The following OR6P1 variants were observed in gnomAD, a reference collection of about 807,000 sequenced individuals.
OR6P1 encodes the protein olfactory receptor 6P1.
Under a neutral mutation model 6.6 loss-of-function variants are expected in OR6P1, and 5 were observed. The observed-to-expected ratio is 0.76, with a 90% CI of 0.40 to 1.60. OR6P1 has a LOEUF of 1.60. Among genes scored for constraint, OR6P1 ranks in the 40% most tolerant of loss-of-function variants. The pLI is 0.02. For synonymous variants in OR6P1, 177 were observed against 149.6 expected (o/e 1.18, Z -1.33); for missense variants, 451 against 383.0 (o/e 1.18, Z -1.48).
At chr1:158,563,665 T>C (rs1331287948) in intron 2 of OR6P1, 39 bp from the exon 3 acceptor site, 5 of 1,073,382 alleles carry the variant, frequency 4.7e-6, no homozygotes, top group African/African-American at 3.2e-5. Context: ...GTTTGAAAGA[T>C]AGCTGCAACA....
Position 158,563,180 on chromosome 1 carries a change from G to A in OR6P1, c.425C>T (p.Thr142Ile). ...GCCCCAAGAGGCAGCAGCAAGGCGA[G>A]TGGCCAGACTGGAAGGCATGAGACT... is the stretch of plus-strand genomic sequence containing the variant. The part of the protein sequence containing the change: ...YPSLMPSSLA[T>I]RLAAASWGSG... Residue 142 changes from threonine (T) to isoleucine (I), a missense_variant, in exon 3 of 3, where the codon ACT becomes ATT. By Grantham distance (89) the Thr-to-Ile change is moderately conservative (BLOSUM62 -1). Transcript: ENST00000641540. The A allele has an allele frequency of 6.4e-7, 1 of 1,551,538 alleles. No individual in the cohort carries two copies. Among genetic ancestry groups the A allele is most frequent in the Non-Finnish European group, 8.7e-7 (1 of 1,146,962 alleles).
At chr1:158,569,017 G>A (rs1215362833) in intron 1 of OR6P1, among the ~76,000 whole-genome samples, 2 of 152,104 alleles carry the variant, frequency 1.3e-5, no homozygotes, top group Non-Finnish European at 2.9e-5. Flanking sequence ...TAAGAACTTG[G>A]AAATTTAAGA....
intron 1 of OR6P1, 63 bp downstream of exon 1, chr1:158,570,379 T>A (rs1391999156): frequency 2.0e-5 from 3 of 152,190 alleles, no homozygotes; most frequent in Non-Finnish European, 4.4e-5. Context: ...ATTCAAGCAA[T>A]TTTCAGGATT....
Position 158,561,250 on chromosome 1 carries a change from T to C in OR6P1, c.*1401A>G, listed in dbSNP as rs1472727210. The C allele has an allele frequency of 6.6e-6, 1 of 152,176 alleles. No homozygotes were observed. The highest frequency in any genetic ancestry group is 1.5e-5 in the Non-Finnish European group (1 of 68,016). The allele number at this position is 152,176 out of a possible 1,614,324, so 9.4% of individuals were successfully genotyped here. A position where few individuals can be genotyped will look rare whatever the true frequency, so the allele number is the denominator to read the frequency against. On this transcript the variant is annotated 3_prime_UTR_variant, in exon 3 of 3. Coordinates refer to ENST00000641540, the MANE Select transcript of OR6P1 (RefSeq NM_001160325.2). ...GAACTCCATGTCTCTCATAATTCTA[T>C]GAAAGGAGAGGAGAATGTAATGTAA...
intron 1 of OR6P1, among the ~76,000 whole-genome samples, chr1:158,567,457 T>G (rs1211115918): frequency 2.7e-5 from 4 of 146,262 alleles, no homozygotes; most frequent in African/African-American, 1.0e-4. Flanking sequence ...TGGAATACTA[T>G]GCAGCCATAA....
intron 1 of OR6P1, among the ~76,000 whole-genome samples, chr1:158,568,572 T>G (rs1272916150): frequency 6.6e-6 from 1 of 152,180 alleles, no homozygotes; most frequent in Non-Finnish European, 1.5e-5. Context: ...TATGGGTTGG[T>G]CTTCTCAGGA....
intron 2 of OR6P1, among the ~76,000 whole-genome samples, chr1:158,564,331 A>G (rs1648043839): frequency 6.6e-6 from 1 of 152,184 alleles, no homozygotes; most frequent in African/African-American, 2.4e-5. Context: ...TAATTCCTGG[A>G]ATCTATAAAT....
chr1:158,562,339 A>G lies in OR6P1; in HGVS notation c.*312T>C. The G allele has an allele frequency of 3.5e-6, 1 of 288,142 alleles. No homozygotes were observed. The highest frequency in any genetic ancestry group is 4.3e-5 in the South Asian group (1 of 23,432). 17.8% of individuals were successfully genotyped at this position (288,142 alleles called of 1,614,324 possible). Reference sequence around the variant, plus strand: ...GTCTATGAAATAGGAATTCCCAGGAAGTTTTGAATATTATTCACGGCAGGG... The same window carrying G: ...GTCTATGAAATAGGAATTCCCAGGAGGTTTTGAATATTATTCACGGCAGGG... On this transcript the variant is annotated 3_prime_UTR_variant, in exon 3 of 3. Coordinates refer to ENST00000641540, the MANE Select transcript of OR6P1 (RefSeq NM_001160325.2).
rs1648006179 is a variant in OR6P1 at position 158,563,249 on chromosome 1, G to A, written c.356C>T (p.Ala119Val). The change falls in exon 3 of 3, where the codon GCC becomes GTC. Residue 119 changes from alanine to valine, a missense_variant. Coordinates refer to ENST00000641540, the MANE Select transcript of OR6P1 (RefSeq NM_001160325.2). ...CTECVLLAVM[A>V]YDRYLAICGP... ...ACAGATGGCCAGGTAGCGATCATAG[G>A]CCATAACTGCCAACAGCACACATTC... 2 of 1,551,588 alleles carry A rather than the reference G, an allele frequency of 1.3e-6. No homozygotes were observed. The highest frequency in any genetic ancestry group is 8.7e-7 in the Non-Finnish European group (1 of 1,146,984).
Position 158,563,305 on chromosome 1 carries a change from T to C in OR6P1, c.300A>G (p.Gln100=), listed in dbSNP as rs73014246. 1,591 of 1,551,016 alleles carry C rather than the reference T, an allele frequency of 1.0e-3. 16 individuals carry two copies. In the African/African-American group the frequency reaches 0.019, roughly 18 times the overall value. The change falls in exon 3 of 3, where the codon CAA becomes CAG. Residue 100 remains glutamine (Q), a synonymous_variant. Coordinates refer to ENST00000641540, the MANE Select transcript of OR6P1 (RefSeq NM_001160325.2). The part of the protein sequence containing the change: ...GRVSYVGCMT[Q]LYFFIALACT... ...AGGCTAAGGCAATAAAGAAGTACAG[T>C]TGGGTCATGCAACCTACGTAGGAGA...
At chr1:158,565,284 T>C (rs1227635198) in intron 2 of OR6P1, among the ~76,000 whole-genome samples, 1 of 152,196 alleles carries the variant, frequency 6.6e-6, no homozygotes, top group Non-Finnish European at 1.5e-5. Context: ...AGATTACTTC[T>C]TTATGTATTC....
chr1:158,563,238 A>G lies in OR6P1; in HGVS notation c.367T>C (p.Tyr123His). 6.4e-7 allele frequency: 1 copy of G among 1,551,692 alleles called. No individual in the cohort carries two copies. Among genetic ancestry groups the G allele is most frequent in the Non-Finnish European group, 8.7e-7 (1 of 1,147,022 alleles). Residue 123 changes from tyrosine (Y) to histidine (H), a missense_variant, in exon 3 of 3, where the codon TAC becomes CAC. Physicochemically the swap from Tyr to His is moderately conservative, Grantham distance 83. Transcript: ENST00000641540. Reference sequence around the variant, plus strand: ...AGGAGGGGTCCACAGATGGCCAGGTAGCGATCATAGGCCATAACTGCCAAC... The same window carrying G: ...AGGAGGGGTCCACAGATGGCCAGGTGGCGATCATAGGCCATAACTGCCAAC... Reference protein sequence around the residue: ...VLLAVMAYDRYLAICGPLLYP... With the variant: ...VLLAVMAYDRHLAICGPLLYP...
At position 158,562,683 on chromosome 1, in the gene OR6P1, T is replaced by A; in HGVS notation, c.922A>T (p.Arg308Ter). 1 of 1,556,180 alleles carries A rather than the reference T, an allele frequency of 6.4e-7. No homozygotes were observed. Among genetic ancestry groups the A allele is most frequent in the Middle Eastern group, 1.7e-4 (1 of 6,002 alleles). ...KEAFRKTVMG[R>*]CHYPRDVQD is the part of the protein sequence containing the mutation. ...TGAACATCCCTAGGATAGTGACATCTGCCCATCACTGTCTTCCTGAAGGCC... is the reference window on the plus strand; with the variant it reads ...TGAACATCCCTAGGATAGTGACATCAGCCCATCACTGTCTTCCTGAAGGCC... The change falls in exon 3 of 3, where the codon AGA (arginine) becomes TGA (stop). Residue 308 changes from arginine to a stop codon, truncating the protein, a stop_gained. Transcript: ENST00000641540. LOFTEE classifies it high-confidence loss of function.
At chr1:158,569,646 G>T (rs1044337013) in intron 1 of OR6P1, among the ~76,000 whole-genome samples, 2 of 152,212 alleles carry the variant, frequency 1.3e-5, no homozygotes, top group African/African-American at 4.8e-5. Context: ...ATTACTCTGT[G>T]CAGGGTAGTG....
intron 1 of OR6P1, among the ~76,000 whole-genome samples, chr1:158,568,349 A>C (rs1648151101): frequency 6.6e-6 from 1 of 152,100 alleles, no homozygotes; most frequent in Admixed American, 6.5e-5. Context: ...CTCCATCATC[A>C]GTCTGGGAGC....
Position 158,563,496 on chromosome 1 carries a change from G to A in OR6P1, c.109C>T (p.Leu37=). 1 of 1,551,388 alleles carries A rather than the reference G, an allele frequency of 6.4e-7. No individual in the cohort carries two copies. The part of the protein sequence containing the change: ...LFVLFFAIYL[L]TLLENALIVF... ...ATAAGTGCATTCTCCAACAATGTCA[G>A]AAGGTAAATTGCAAAAAAAAGGACA... The change falls in exon 3 of 3, where the codon CTG becomes TTG. Residue 37 remains leucine (L), a synonymous_variant. Coordinates refer to ENST00000641540, the MANE Select transcript of OR6P1 (RefSeq NM_001160325.2).
rs998833743 is a variant in OR6P1 at position 158,566,869 on chromosome 1, G to C, written c.-117-11C>G. 2 of 152,016 alleles carry C rather than the reference G, an allele frequency of 1.3e-5. No homozygotes were observed. Among genetic ancestry groups the C allele is most frequent in the African/African-American group, 4.8e-5 (2 of 41,394 alleles). The allele number at this position is 152,016 out of a possible 1,614,324, so 9.4% of individuals were successfully genotyped here. A position where few individuals can be genotyped will look rare whatever the true frequency, so the allele number is the denominator to read the frequency against. On this transcript the variant is annotated splice_polypyrimidine_tract_variant and intron_variant, in intron 1 of 2. Transcript: ENST00000641540. The stretch of plus-strand genomic sequence containing the variant: ...GCGTCAACAGGCAACCTACAGAATG[G>C]GAGAAAATTTTTGCAATCCACTCAT...
intron 1 of OR6P1, among the ~76,000 whole-genome samples, chr1:158,568,421 G>A (rs551821117): frequency 9.9e-5 from 15 of 152,202 alleles, no homozygotes; most frequent in African/African-American, 3.6e-4. Flanking sequence ...CCATTAGCCT[G>A]CAATGTTAGC....
At chr1:158,563,649 C>A in intron 2 of OR6P1, 23 bp from the exon 3 acceptor site, 1 of 1,298,940 alleles carries the variant, frequency 7.7e-7, no homozygotes. Flanking sequence ...ACAGGAAGAA[C>A]AAGAGGTTTG....
Sources: allele counts gnomAD v4.1 joint callset (sites outside exome capture counted in the v4.1 genomes callset), GRCh38; gene constraint gnomAD v4.1.1; transcripts MANE v1.5; gene names NCBI Gene and HGNC (gene_info 2026-07-23, HGNC 2026-07-21).